GNPTG: variants seen among roughly 807,000 people sequenced by gnomAD.
GNPTG encodes N-acetylglucosamine-1-phosphotransferase subunit gamma.
In GNPTG, 46 loss-of-function variants were observed where a neutral mutation model predicts 43.8. The ratio of observed to expected loss-of-function variants is 1.05; its 90% CI spans 0.83 to 1.34. The LOEUF (loss-of-function observed/expected upper bound fraction) is 1.34, where lower values mean the gene tolerates loss of function less well. Among genes scored for constraint, GNPTG ranks in the 40% most tolerant of loss-of-function variants. GNPTG has a pLI of 0.00. For synonymous variants in GNPTG, 250 were observed against 172.8 expected, an observed-to-expected ratio of 1.45 and a Z score of -3.50; for missense variants, 549 against 411.3, an observed-to-expected ratio of 1.33 and a Z score of -2.90.
intron 2 of GNPTG, 38 bp downstream of exon 2, chr16:1,352,197 C>G: frequency 6.4e-7 from 1 of 1,553,246 alleles, no homozygotes; most frequent in South Asian, 1.2e-5. Flanking sequence ...GAGCGGGGGA[C>G]GGCCCGGGCC....
chr16:1,361,710 G>A (rs771874727), intron 3 of GNPTG, 33 bp from the exon 4 acceptor site: 1 of 1,612,504 alleles, frequency 6.2e-7, no homozygotes, highest in Non-Finnish European at 8.5e-7. Context: ...TTCTGTGCTT[G>A]GACCCTGGGG....
At chr16:1,357,499 T>C (rs558706078) in intron 3 of GNPTG, among the ~76,000 whole-genome samples, 1 of 152,030 alleles carries the variant, frequency 6.6e-6, no homozygotes, top group South Asian at 2.1e-4. Flanking sequence ...ATTATTATTA[T>C]TATTATTATT....
chr16:1,361,614 A>G (rs2034879448), intron 3 of GNPTG, 129 bp from the exon 4 acceptor site: 4 of 927,350 alleles, frequency 4.3e-6, no homozygotes, highest in Non-Finnish European at 6.8e-6. Context: ...ACTGCACTCC[A>G]GCCTGGGTGA....
At chr16:1,352,339 G>A (rs1466397229) in intron 3 of GNPTG, 33 bp downstream of exon 3, 1 of 1,545,828 alleles carries the variant, frequency 6.5e-7, no homozygotes, top group Non-Finnish European at 8.7e-7. Context: ...CGGCGCGGGG[G>A]TGGCCGCGGG....
In GNPTG at chr16:1,363,605, G is replaced by A. The variant is rs546732886; in HGVS notation, c.*514G>A. On this transcript the variant is annotated 3_prime_UTR_variant, in exon 11 of 11. Coordinates refer to ENST00000204679, the MANE Select transcript of GNPTG (RefSeq NM_032520.5). ...CGCCCCGTGCCCGCCATGGCCACAG[G>A]GGGGAGCTGCTGGGCGCGCCTCCAC... is the stretch of plus-strand genomic sequence containing the variant. The A allele has an allele frequency of 4.7e-6, 1 of 210,722 alleles. No homozygotes were observed. The highest frequency in any genetic ancestry group is 6.2e-5 in the South Asian group (1 of 16,046). The allele number at this position is 210,722 out of a possible 1,614,324, so 13.1% of individuals were successfully genotyped here.
At chr16:1,359,846 AC>A (rs2034839656) in intron 3 of GNPTG, among the ~76,000 whole-genome samples, 1 of 152,040 alleles carries the variant, frequency 6.6e-6, no homozygotes, top group Admixed American at 6.6e-5. Flanking sequence ...GCTGGGGCTC[AC>A]GCCTGTAATC....
Position 1,362,843 on chromosome 16 carries a change from A to G in GNPTG, c.760A>G (p.Lys254Glu). Residue 254 changes from lysine to glutamate, a missense_variant, in exon 10 of 11, where the codon AAG (lysine) becomes GAG (glutamate). Lys to Glu is a moderately conservative substitution (Grantham distance 56). Transcript: ENST00000204679. Reference protein sequence around the residue: ...NCRKAHKELSKEIKRLKGLLT... With the variant: ...NCRKAHKELSEEIKRLKGLLT... Reference sequence around the variant, plus strand: ...TTGGTAGGCTCATAAAGAACTCTCAAAGGAGATCAAAAGGCTGAAAGGTTT... The same window carrying G: ...TTGGTAGGCTCATAAAGAACTCTCAGAGGAGATCAAAAGGCTGAAAGGTTT... The G allele has an allele frequency of 6.2e-7, 1 of 1,613,994 alleles. No individual in the cohort carries two copies. The highest frequency in any genetic ancestry group is 8.5e-7 in the Non-Finnish European group (1 of 1,180,000).
intron 3 of GNPTG, 43 bp downstream of exon 3, chr16:1,352,349 G>C: frequency 8.4e-6 from 13 of 1,539,982 alleles, no homozygotes; most frequent in Non-Finnish European, 1.1e-5. Flanking sequence ...GTGGCCGCGG[G>C]GAGCAGCAAC....
At position 1,363,030 on chromosome 16, in the gene GNPTG, C is replaced by T. The variant is rs193302860; in HGVS notation, c.857C>T (p.Thr286Met). The T allele has an allele frequency of 1.4e-4, 226 of 1,614,028 alleles. No homozygotes were observed. The Middle Eastern group carries it at 2.1e-3, about 15-fold the overall frequency. ...TSNLEHLGHE[T>M]PRAKSPEQLR... ...AACTTGGAGCACTTGGGCCACGAGACGCCCAGAGCCAAGTCTCCAGAGCAG... is the reference window on the plus strand; with the variant it reads ...AACTTGGAGCACTTGGGCCACGAGATGCCCAGAGCCAAGTCTCCAGAGCAG... Residue 286 changes from threonine (T) to methionine (M), a missense_variant, in exon 11 of 11, where the codon ACG becomes ATG. Physicochemically the swap from Thr to Met is moderately conservative, Grantham distance 81. Coordinates refer to ENST00000204679, the MANE Select transcript of GNPTG (RefSeq NM_032520.5).
In GNPTG at chr16:1,362,750, A is replaced by T. The variant is rs201392900; in HGVS notation, c.741+8A>T. ...CTGGAAAACTGCAGGAAGGTACCGT[A>T]TTGGGGGGAGGTGGTGGCACGCAGT... is the stretch of plus-strand genomic sequence containing the variant. On this transcript the variant is annotated splice_region_variant and intron_variant, in intron 9 of 10. Coordinates refer to ENST00000204679, the MANE Select transcript of GNPTG (RefSeq NM_032520.5). 1 of 1,614,080 alleles carries T rather than the reference A, an allele frequency of 6.2e-7. No individual in the cohort carries two copies. Among genetic ancestry groups the T allele is most frequent in the Non-Finnish European group, 8.5e-7 (1 of 1,180,016 alleles).
chr16:1,362,779 C>T (rs1441482233), intron 9 of GNPTG, 37 bp downstream of exon 9: 1 of 1,614,018 alleles, frequency 6.2e-7, no homozygotes, highest in Non-Finnish European at 8.5e-7. Context: ...ACGCAGTAGC[C>T]CTCCAGCACC....
intron 4 of GNPTG, 25 bp downstream of exon 4, chr16:1,361,822 T>TGGGCTGGGGCGCAGCCTGC (rs2034887276): frequency 6.6e-7 from 1 of 1,506,232 alleles, no homozygotes; most frequent in Non-Finnish European, 9.2e-7. Flanking sequence ...GGTGCGAGGG[T>TGGGCTGGGGCGCAGCCTGC]GGGCTGGGGC....
chr16:1,362,402 A>C (rs749914695), intron 7 of GNPTG, 50 bp from the exon 8 acceptor site: 1 of 1,611,372 alleles, frequency 6.2e-7, no homozygotes, highest in South Asian at 1.1e-5. Flanking sequence ...GCTGGGGGCC[A>C]GGGTTGGGAC....
rs1012161747 is a variant in GNPTG at position 1,362,915 on chromosome 16, C to A, written c.823+9C>A. On this transcript the variant is annotated intron_variant, in intron 10 of 10. Coordinates refer to ENST00000204679, the MANE Select transcript of GNPTG (RefSeq NM_032520.5). ...CTACACGAGGCCCACAGGTGAGTCA[C>A]CTGTGGGGAGAGGGCCAGGCTCACC... 1 of 1,614,054 alleles carries A rather than the reference C, an allele frequency of 6.2e-7. No individual in the cohort carries two copies. Among genetic ancestry groups the A allele is most frequent in the Non-Finnish European group, 8.5e-7 (1 of 1,179,962 alleles).
At chr16:1,355,059 C>CCGCG (rs1381222795) in intron 3 of GNPTG, among the ~76,000 whole-genome samples, 2 of 151,794 alleles carry the variant, frequency 1.3e-5, no homozygotes, top group Non-Finnish European at 2.9e-5. Flanking sequence ...GGATGGTCTG[C>CCGCG]CGCGTCTGCG....
intron 3 of GNPTG, chr16:1,361,411 G>A (rs983250828): frequency 4.5e-5 from 16 of 355,306 alleles, no homozygotes; most frequent in African/African-American, 1.9e-4. Flanking sequence ...TTGGGAGGCC[G>A]AGGTGGGTGG....
intron 3 of GNPTG, chr16:1,361,469 C>T: frequency 2.4e-6 from 1 of 408,576 alleles, no homozygotes; most frequent in Non-Finnish European, 4.6e-6. Context: ...GCGGTGAAAC[C>T]CCGTCTCTAC....
chr16:1,363,031 G>T lies in GNPTG; in HGVS notation c.858G>T (p.Thr286=), dbSNP rs770600776. The change falls in exon 11 of 11, where the codon ACG becomes ACT. Residue 286 remains threonine, a synonymous_variant. Coordinates refer to ENST00000204679, the MANE Select transcript of GNPTG (RefSeq NM_032520.5). ...ACTTGGAGCACTTGGGCCACGAGAC[G>T]CCCAGAGCCAAGTCTCCAGAGCAGC... ...TSNLEHLGHE[T]PRAKSPEQLR... 1.2e-6 allele frequency: 2 copies of T among 1,614,042 alleles called. No homozygotes were observed. Among genetic ancestry groups the T allele is most frequent in the South Asian group, 1.1e-5 (1 of 91,076 alleles).
Position 1,362,594 on chromosome 16 carries a change from G to A in GNPTG, c.610-17G>A, listed in dbSNP as rs1212293219. 1.9e-6 allele frequency: 3 copies of A among 1,614,174 alleles called. No homozygotes were observed. The highest frequency in any genetic ancestry group is 2.7e-5 in the African/African-American group (2 of 75,070). Reference sequence around the variant, plus strand: ...TGGCTGGGAGCTGGGTGCTGCCCCTGCATCCTCCACCTTCAGGGCCATGAG... The same window carrying A: ...TGGCTGGGAGCTGGGTGCTGCCCCTACATCCTCCACCTTCAGGGCCATGAG... On this transcript the variant is annotated splice_polypyrimidine_tract_variant and intron_variant, in intron 8 of 10. Coordinates refer to ENST00000204679, the MANE Select transcript of GNPTG (RefSeq NM_032520.5).
Sources: allele counts gnomAD v4.1 joint callset (sites outside exome capture counted in the v4.1 genomes callset), GRCh38; gene constraint gnomAD v4.1.1; transcripts MANE v1.5; gene names NCBI Gene and HGNC (gene_info 2026-07-23, HGNC 2026-07-21).